Variants in BACH2 observed in about 807,000 individuals in gnomAD.
The protein encoded by BACH2 is BACH transcriptional regulator 2.
In BACH2, 5 loss-of-function variants were observed where a neutral mutation model predicts 61.8. The observed-to-expected ratio is 0.08, with a 90% CI of 0.04 to 0.17. The LOEUF is 0.17. BACH2 is among the 10% of genes least tolerant of loss of function. BACH2 has a pLI of 1.00. For missense variants in BACH2, 824 were observed against 1,091.1 expected (o/e 0.76, Z 3.45); for synonymous variants, 446 against 440.1 (o/e 1.01, Z -0.17).
At chr6:90,251,615 A>G (rs1205473641) in intron 3 of BACH2, among the ~76,000 whole-genome samples, 2 of 152,120 alleles carry the variant, frequency 1.3e-5, no homozygotes, top group Non-Finnish European at 2.9e-5. Flanking sequence ...CCCTTAAAAA[A>G]CGTATGTGTC....
At chr6:90,138,254 G>A (rs1433930136) in intron 4 of BACH2, among the ~76,000 whole-genome samples, 1 of 152,240 alleles carries the variant, frequency 6.6e-6, no homozygotes, top group African/African-American at 2.4e-5. Context: ...TGTAATCCCA[G>A]CACTTTGGGA....
intron 5 of BACH2, among the ~76,000 whole-genome samples, chr6:90,087,919 T>A (rs764604772): frequency 6.6e-6 from 1 of 152,126 alleles, no homozygotes; most frequent in Non-Finnish European, 1.5e-5. Flanking sequence ...ATGTAAGTTA[T>A]TATTGACTAT....
intron 4 of BACH2, among the ~76,000 whole-genome samples, chr6:90,112,213 C>T (rs1465412853): frequency 6.6e-6 from 1 of 152,120 alleles, no homozygotes; most frequent in African/African-American, 2.4e-5. Flanking sequence ...CAATGTATGT[C>T]ATTTATTTAT....
At position 90,056,705 on chromosome 6, in the gene BACH2, T is replaced by C. The variant is rs372339293; in HGVS notation, c.-13+32256A>G. Among the ~76,000 whole-genome samples, 15 of 152,206 alleles carry C rather than the reference T, an allele frequency of 9.9e-5. No individual in the cohort carries two copies. In the East Asian group the frequency reaches 2.5e-3, roughly 25 times the overall value. On this transcript the variant is annotated intron_variant, in intron 5 of 8. Transcript: ENST00000257749. ...CACCACACCACACCTACTCCAAAAT[T>C]GACCACATAGTTGGAAGTAAAGCAC...
intron 3 of BACH2, among the ~76,000 whole-genome samples, chr6:90,219,184 A>G (rs1349657716): frequency 2.0e-5 from 3 of 152,234 alleles, no homozygotes; most frequent in Non-Finnish European, 4.4e-5. Context: ...GCAAAGAGCT[A>G]AAAGTCTTTC....
intron 6 of BACH2, among the ~76,000 whole-genome samples, chr6:90,006,461 T>C (rs904892257): frequency 6.6e-6 from 1 of 152,160 alleles, no homozygotes; most frequent in African/African-American, 2.4e-5. Flanking sequence ...CCAGCCCCAG[T>C]ATGTCATTTA....
intron 1 of BACH2, among the ~76,000 whole-genome samples, chr6:90,295,589 G>C (rs1582577359): frequency 6.6e-6 from 1 of 152,228 alleles, no homozygotes; most frequent in East Asian, 1.9e-4. Context: ...GACGGGGAGG[G>C]CAGTGTCCCC....
intron 6 of BACH2, among the ~76,000 whole-genome samples, chr6:89,957,171 A>C (rs1354064824): frequency 6.6e-6 from 1 of 152,218 alleles, no homozygotes; most frequent in Non-Finnish European, 1.5e-5. Flanking sequence ...AATGCTGGTG[A>C]CAATTAACTC....
At chr6:89,935,064 C>T (rs9359876) in intron 8 of BACH2, among the ~76,000 whole-genome samples, 26,203 of 152,000 alleles carry the variant, frequency 0.17, 2,330 homozygotes, top group East Asian at 0.2. Flanking sequence ...ATACATTATG[C>T]GAGTTTGCAA....
At chr6:90,167,411 A>G (rs898483436) in intron 4 of BACH2, among the ~76,000 whole-genome samples, 1 of 151,880 alleles carries the variant, frequency 6.6e-6, no homozygotes. Flanking sequence ...GCTGGAGTGC[A>G]ATGGCATGAT....
At chr6:90,094,177 C>T (rs1782289618) in intron 4 of BACH2, among the ~76,000 whole-genome samples, 1 of 152,142 alleles carries the variant, frequency 6.6e-6, no homozygotes, top group African/African-American at 2.4e-5. Context: ...AGTGGGTCTC[C>T]AGCTGCAAAT....
At chr6:90,171,012 T>C (rs1227511567) in intron 4 of BACH2, among the ~76,000 whole-genome samples, 1 of 146,692 alleles carries the variant, frequency 6.8e-6, no homozygotes, top group Non-Finnish European at 1.5e-5. Context: ...AAAGATGAAA[T>C]CCTCAGTGGG....
Position 90,144,240 on chromosome 6 carries a change from C to T in BACH2, c.-161-55131G>A, listed in dbSNP as rs186005442. Among the ~76,000 whole-genome samples the T allele has an allele frequency of 1.6e-3, 251 of 152,230 alleles. 3 individuals are homozygous for T. The highest frequency in any genetic ancestry group is 5.7e-3 in the African/African-American group (237 of 41,524). ...CCACATCTGTTAATTGTGTACAACA[C>T]AAAGAAAAGTCTATTTATTTAGCTC... On this transcript the variant is annotated intron_variant, in intron 4 of 8. Coordinates refer to ENST00000257749, the MANE Select transcript of BACH2 (RefSeq NM_021813.4).
At chr6:90,056,168 C>T (rs1324762485) in intron 5 of BACH2, among the ~76,000 whole-genome samples, 1 of 152,166 alleles carries the variant, frequency 6.6e-6, no homozygotes, top group Admixed American at 6.5e-5. Context: ...TTAAAAGACA[C>T]AGACTGGCAA....
chr6:90,058,054 A>G (rs1292750082), intron 5 of BACH2, among the ~76,000 whole-genome samples: 3 of 152,238 alleles, frequency 2.0e-5, no homozygotes, highest in Admixed American at 6.5e-5. Flanking sequence ...TCCCTTTGAA[A>G]ACTGGCACAA....
intron 5 of BACH2, among the ~76,000 whole-genome samples, chr6:90,047,347 G>A (rs778486126): frequency 2.0e-5 from 3 of 152,118 alleles, no homozygotes; most frequent in Non-Finnish European, 4.4e-5. Context: ...GTTCCTTTCC[G>A]GTTGCTGGTG....
At chr6:90,228,744 AAC>A (rs1303431794) in intron 3 of BACH2, among the ~76,000 whole-genome samples, 2 of 152,242 alleles carry the variant, frequency 1.3e-5, no homozygotes, top group African/African-American at 2.4e-5. Flanking sequence ...CTCAAGAAAA[AAC>A]AGTTTTAAAA....
At chr6:89,979,781 T>C (rs923070122) in intron 6 of BACH2, among the ~76,000 whole-genome samples, 20 of 152,270 alleles carry the variant, frequency 1.3e-4, no homozygotes, top group Non-Finnish European at 2.5e-4. Flanking sequence ...AACCTGTTTC[T>C]AGGAAAAAAT....
At chr6:90,058,942 T>G (rs1425661147) in intron 5 of BACH2, among the ~76,000 whole-genome samples, 1 of 152,206 alleles carries the variant, frequency 6.6e-6, no homozygotes, top group Non-Finnish European at 1.5e-5. Context: ...TGAAACTGGA[T>G]CCCTTCCTTA....
Sources: allele counts gnomAD v4.1 joint callset (sites outside exome capture counted in the v4.1 genomes callset), GRCh38; gene constraint gnomAD v4.1.1; transcripts MANE v1.5; gene names NCBI Gene and HGNC (gene_info 2026-07-23, HGNC 2026-07-21).